SPOCK3: variants seen among roughly 807,000 people sequenced by gnomAD.
SPOCK3 encodes the protein SPARC (osteonectin), cwcv and kazal like domains proteoglycan 3.
SPOCK3 carries 30 observed loss-of-function variants against 56.6 expected under a neutral mutation model. The observed-to-expected ratio is 0.53, with a 90% CI of 0.40 to 0.72. SPOCK3 has a LOEUF of 0.72. Among genes scored for constraint, SPOCK3 ranks in the 30% least tolerant of loss-of-function variants. SPOCK3 has a pLI of 0.00. For synonymous variants in SPOCK3, 196 were observed against 183.3 expected, an observed-to-expected ratio of 1.07 and a Z score of -0.56; for missense variants, 527 against 530.0, an observed-to-expected ratio of 0.99 and a Z score of 0.06.
intron 6 of SPOCK3, among the ~76,000 whole-genome samples, chr4:166,798,210 C>G (rs2126677743): frequency 6.6e-6 from 1 of 152,222 alleles, no homozygotes; most frequent in South Asian, 2.1e-4. Flanking sequence ...AGAGTGTAAT[C>G]CTACTTACTA....
At chr4:166,974,211 T>C (rs1745697411) in intron 4 of SPOCK3, among the ~76,000 whole-genome samples, 1 of 152,134 alleles carries the variant, frequency 6.6e-6, no homozygotes, top group African/African-American at 2.4e-5. Flanking sequence ...CATATTATTT[T>C]TACCTCATCA....
At chr4:166,873,852 T>C (rs922955594) in intron 6 of SPOCK3, among the ~76,000 whole-genome samples, 1 of 152,062 alleles carries the variant, frequency 6.6e-6, no homozygotes, top group Non-Finnish European at 1.5e-5. Context: ...GGACAGATTC[T>C]AAAGGAAAAA....
chr4:167,178,684 G>A (rs954064553), intron 2 of SPOCK3, among the ~76,000 whole-genome samples: 1 of 152,006 alleles, frequency 6.6e-6, no homozygotes, highest in Non-Finnish European at 1.5e-5. Flanking sequence ...TTTATTCAAA[G>A]AGATATGATA....
Position 166,742,044 on chromosome 4 carries a change from G to A in SPOCK3, c.947C>T (p.Thr316Ile). The A allele has an allele frequency of 6.2e-7, 1 of 1,612,514 alleles. No homozygotes were observed. The highest frequency in any genetic ancestry group is 8.5e-7 in the Non-Finnish European group (1 of 1,178,788). The change falls in exon 9 of 11, where the codon ACT becomes ATT. Residue 316 changes from threonine (T) to isoleucine (I), a missense_variant. Coordinates refer to ENST00000357545, the MANE Select transcript of SPOCK3 (RefSeq NM_001040159.2). ...FQRQQDPPCQ[T>I]ELSNIQKRQG... ...CCGCTTCTGAATATTGCTGAGCTCA[G>A]TCTGGCAAGGTGGGTCTGCAATGAC...
At chr4:167,215,274 C>T (rs914049337) in intron 2 of SPOCK3, among the ~76,000 whole-genome samples, 1 of 152,092 alleles carries the variant, frequency 6.6e-6, no homozygotes, top group Admixed American at 6.6e-5. Context: ...TTTCAGTTTG[C>T]TTCACTTACC....
intron 2 of SPOCK3, among the ~76,000 whole-genome samples, chr4:167,118,991 A>G (rs1001861202): frequency 3.3e-5 from 5 of 152,068 alleles, no homozygotes; most frequent in Admixed American, 3.3e-4. Context: ...GACCAATCTC[A>G]GCCCTTCCAA....
intron 6 of SPOCK3, among the ~76,000 whole-genome samples, chr4:166,846,713 T>A (rs559723856): frequency 6.6e-6 from 1 of 152,264 alleles, no homozygotes; most frequent in Non-Finnish European, 1.5e-5. Context: ...AGTGTTATGT[T>A]TTATTTATAT....
chr4:166,797,233 C>CTTTTTTTTTTT (rs1028695610), intron 6 of SPOCK3, among the ~76,000 whole-genome samples: 5 of 80,752 alleles, frequency 6.2e-5, no homozygotes, highest in Non-Finnish European at 9.8e-5. Context: ...TTCCACCTTT[C>CTTTTTTTTTTT]TTTTTTTTTT....
chr4:167,038,663 C>CAAAAAAAAA (rs558863795), intron 3 of SPOCK3, among the ~76,000 whole-genome samples: 1 of 107,990 alleles, frequency 9.3e-6, no homozygotes, highest in Non-Finnish European at 1.9e-5. Flanking sequence ...TTATTTTTTC[C>CAAAAAAAAA]AAAAAAAAAA....
chr4:166,778,885 A>G (rs1235619677), intron 7 of SPOCK3, among the ~76,000 whole-genome samples: 1 of 152,080 alleles, frequency 6.6e-6, no homozygotes, highest in African/African-American at 2.4e-5. Context: ...AGGTAGCAAT[A>G]ACACTGGTAG....
At chr4:167,070,481 A>C (rs74702735) in intron 2 of SPOCK3, among the ~76,000 whole-genome samples, 12,932 of 151,938 alleles carry the variant, frequency 0.085, 721 homozygotes, top group South Asian at 0.17. Flanking sequence ...TTGGGAGGGA[A>C]ATTTTCTATG....
In SPOCK3 at chr4:167,202,688, C is replaced by A. The variant is rs189526006; in HGVS notation, c.189+31297G>T. On this transcript the variant is annotated intron_variant, in intron 2 of 10. Coordinates refer to ENST00000357545, the MANE Select transcript of SPOCK3 (RefSeq NM_001040159.2). ...GAGATATGACTGCATCACCTTCCAC[C>A]CATGAAATAAGGATCTCTTTATACT... 5.3e-4 allele frequency among the ~76,000 whole-genome samples: 80 copies of A among 151,888 alleles called. 1 individual carries two copies. The highest frequency in any genetic ancestry group is 1.8e-3 in the African/African-American group (73 of 41,476).
intron 2 of SPOCK3, among the ~76,000 whole-genome samples, chr4:167,199,331 G>T (rs891775948): frequency 1.3e-5 from 2 of 151,394 alleles, no homozygotes. Context: ...AGGTGTGTTA[G>T]CTGCTGATGG....
chr4:167,090,001 TACA>T, intron 2 of SPOCK3, among the ~76,000 whole-genome samples: 1 of 152,310 alleles, frequency 6.6e-6, no homozygotes, highest in East Asian at 1.9e-4. Context: ...TGTCTGTATG[TACA>T]ACAATTTGGG....
At chr4:167,119,528 C>A (rs1761697237) in intron 2 of SPOCK3, among the ~76,000 whole-genome samples, 1 of 152,088 alleles carries the variant, frequency 6.6e-6, no homozygotes. Flanking sequence ...AGGTTTATAT[C>A]ATCTCTTAAC....
chr4:166,991,948 A>G (rs1043227179), intron 4 of SPOCK3, among the ~76,000 whole-genome samples: 10 of 151,900 alleles, frequency 6.6e-5, no homozygotes, highest in African/African-American at 2.4e-4. Context: ...TGTACAAAGC[A>G]TGATAATAAG....
intron 4 of SPOCK3, among the ~76,000 whole-genome samples, chr4:166,951,685 A>G (rs1742642073): frequency 7.1e-6 from 1 of 141,604 alleles, no homozygotes; most frequent in Non-Finnish European, 1.5e-5. Flanking sequence ...AATCCTCAAT[A>G]AAATACTGGC....
At chr4:166,913,510 T>G (rs1481982751) in intron 4 of SPOCK3, among the ~76,000 whole-genome samples, 10 of 152,220 alleles carry the variant, frequency 6.6e-5, no homozygotes, top group African/African-American at 2.4e-4. Context: ...GAAAGTCCTG[T>G]AGTAAATCAA....
At chr4:167,222,826 CATAG>C (rs1389604067) in intron 2 of SPOCK3, among the ~76,000 whole-genome samples, 3 of 121,910 alleles carry the variant, frequency 2.5e-5, no homozygotes, top group African/African-American at 3.3e-5. Context: ...AATATATAAA[CATAG>C]ATATATATTG....
Sources: gnomAD v4.1 joint callset for allele counts (sites outside exome capture counted in the v4.1 genomes callset) on GRCh38, gnomAD v4.1.1 for gene constraint, MANE v1.5 for transcripts, NCBI Gene and HGNC (gene_info 2026-07-23, HGNC 2026-07-21) for gene names.